Variants in MTHFD1L observed in about 807,000 individuals in gnomAD.
The protein encoded by MTHFD1L is methylenetetrahydrofolate dehydrogenase (NADP+ dependent) 1 like.
A neutral mutation model predicts 119.5 loss-of-function variants in MTHFD1L; 81 were observed. The ratio of observed to expected loss-of-function variants is 0.68; its 90% CI spans 0.57 to 0.82. The LOEUF is 0.82. MTHFD1L is among the 40% of genes least tolerant of loss of function. MTHFD1L has a pLI of 0.00. For missense variants in MTHFD1L, 1,125 were observed against 1,253.4 expected, an observed-to-expected ratio of 0.90 and a Z score of 1.55; for synonymous variants, 430 against 475.2, an observed-to-expected ratio of 0.90 and a Z score of 1.24.
At chr6:151,066,437 C>CAAAAA (rs35065800) in intron 26 of MTHFD1L, among the ~76,000 whole-genome samples, 4 of 50,684 alleles carry the variant, frequency 7.9e-5, no homozygotes, top group Non-Finnish European at 1.4e-4. Context: ...GACTCCATCT[C>CAAAAA]AAAAAAAAAA....
intron 8 of MTHFD1L, among the ~76,000 whole-genome samples, chr6:150,914,416 A>G (rs1173060720): frequency 6.6e-6 from 1 of 152,240 alleles, no homozygotes; most frequent in Non-Finnish European, 1.5e-5. Context: ...CGTAAAAATC[A>G]GAAGGCCAAG....
At chr6:151,091,893 TCCTAC>T (rs1016844959) in intron 26 of MTHFD1L, among the ~76,000 whole-genome samples, 2 of 152,140 alleles carry the variant, frequency 1.3e-5, no homozygotes, top group African/African-American at 4.8e-5. Flanking sequence ...TAATAAAAGT[TCCTAC>T]CTGCTATATT....
In MTHFD1L at chr6:150,957,533, A is replaced by G. The variant is rs536925375; in HGVS notation, c.1803+1462A>G. 3.3e-5 allele frequency among the ~76,000 whole-genome samples: 5 copies of G among 152,322 alleles called. No homozygotes were observed. In the East Asian group the frequency reaches 7.7e-4, roughly 23 times the overall value. On this transcript the variant is annotated intron_variant, in intron 17 of 27. Transcript: ENST00000367321. ...TAATGAAAAGAACAAGAAAATGTGT[A>G]ACGTACAGGAAAAAATTCTGTGTAT...
At chr6:150,880,623 T>G (rs1249451260) in intron 4 of MTHFD1L, among the ~76,000 whole-genome samples, 3 of 152,236 alleles carry the variant, frequency 2.0e-5, no homozygotes, top group Non-Finnish European at 4.4e-5. Flanking sequence ...TACCTAGTGG[T>G]GGGAATGGCT....
intron 13 of MTHFD1L, among the ~76,000 whole-genome samples, chr6:150,942,110 G>A (rs1793225660): frequency 6.6e-6 from 1 of 151,858 alleles, no homozygotes; most frequent in South Asian, 2.1e-4. Context: ...AATACAAAAA[G>A]TAGCTGGGCG....
At chr6:150,975,818 G>C (rs1776474837) in intron 20 of MTHFD1L, among the ~76,000 whole-genome samples, 1 of 152,202 alleles carries the variant, frequency 6.6e-6, no homozygotes, top group South Asian at 2.1e-4. Flanking sequence ...CCCCTGAGCA[G>C]TACCTCATTT....
chr6:150,897,677 A>G (rs765419509), intron 7 of MTHFD1L, among the ~76,000 whole-genome samples: 6 of 152,200 alleles, frequency 3.9e-5, no homozygotes, highest in Non-Finnish European at 7.3e-5. Context: ...ATTCTGGAAG[A>G]AGGGCTGCAG....
chr6:150,939,756 C>T (rs907952536), intron 13 of MTHFD1L, among the ~76,000 whole-genome samples: 1 of 145,784 alleles, frequency 6.9e-6, no homozygotes, highest in African/African-American at 2.6e-5. Flanking sequence ...ACAGTCTCGG[C>T]TCACTGCAAC....
At chr6:150,935,141 A>C in intron 11 of MTHFD1L, 1 of 1,613,504 alleles carries the variant, frequency 6.2e-7, no homozygotes, top group Non-Finnish European at 8.5e-7. Context: ...CACTGAGAAA[A>C]TTAAGGTAAG....
At chr6:150,872,580 C>T (rs548618646) in intron 1 of MTHFD1L, among the ~76,000 whole-genome samples, 3 of 152,122 alleles carry the variant, frequency 2.0e-5, no homozygotes, top group South Asian at 2.1e-4. Flanking sequence ...CATCAAAGAT[C>T]GTCAATCACA....
Position 150,926,445 on chromosome 6 carries a change from A to G in MTHFD1L, c.1256+150A>G, listed in dbSNP as rs1416659725. On this transcript the variant is annotated intron_variant, in intron 11 of 27. Coordinates refer to ENST00000367321, the MANE Select transcript of MTHFD1L (RefSeq NM_015440.5). This position sits in a 1 kb window ranked among gnomAD's most constrained non-coding sequence, Gnocchi z 4.3. The stretch of plus-strand genomic sequence containing the variant: ...TTGGCATTTCTTTATTTGGTGTGAG[A>G]TAAGTTTTTATTTTCAGTGCAGAGC... The G allele has an allele frequency of 3.9e-6, 3 of 775,600 alleles. No homozygotes were observed. Among genetic ancestry groups the G allele is most frequent in the Non-Finnish European group, 5.9e-6 (3 of 511,578 alleles). 48.0% of individuals were successfully genotyped at this position (775,600 alleles called of 1,614,324 possible).
intron 8 of MTHFD1L, among the ~76,000 whole-genome samples, chr6:150,916,346 A>G (rs1461186683): frequency 8.8e-6 from 1 of 113,966 alleles, no homozygotes; most frequent in Non-Finnish European, 1.6e-5. Flanking sequence ...CTTGTTGCCC[A>G]GGCTGGAGTG....
chr6:150,988,052 A>G (rs61087990), intron 20 of MTHFD1L, among the ~76,000 whole-genome samples: 2,034 of 152,312 alleles, frequency 0.013, 37 homozygotes, highest in African/African-American at 0.047. Flanking sequence ...ATTTATATAT[A>G]TTCTAAGTAA....
chr6:151,003,499 T>C (rs1186019837), intron 20 of MTHFD1L, among the ~76,000 whole-genome samples: 1 of 152,044 alleles, frequency 6.6e-6, no homozygotes, highest in East Asian at 2.0e-4. Flanking sequence ...ACCATTGCAT[T>C]CCAGCCTGGG....
chr6:150,980,830 C>G (rs376655725), intron 20 of MTHFD1L, among the ~76,000 whole-genome samples: 57 of 152,062 alleles, frequency 3.7e-4, no homozygotes, highest in African/African-American at 1.3e-3. Flanking sequence ...TGCTTCTCTC[C>G]TGATTTGAGT....
intron 7 of MTHFD1L, among the ~76,000 whole-genome samples, chr6:150,895,707 A>G (rs965006980): frequency 9.2e-5 from 14 of 151,680 alleles, no homozygotes; most frequent in Non-Finnish European, 1.8e-4. Flanking sequence ...AGACTTTTAA[A>G]AGTGAATTGG....
chr6:150,954,162 C>T (rs1478444046), intron 16 of MTHFD1L, among the ~76,000 whole-genome samples: 2 of 152,212 alleles, frequency 1.3e-5, no homozygotes, highest in Non-Finnish European at 2.9e-5. Flanking sequence ...CTTCATCCTA[C>T]GGATGCCTAT....
chr6:151,086,077 A>G (rs1290328371), intron 26 of MTHFD1L, among the ~76,000 whole-genome samples: 1 of 152,182 alleles, frequency 6.6e-6, no homozygotes, highest in Non-Finnish European at 1.5e-5. Context: ...TTGATCAGCC[A>G]CCATGAGAGA....
intron 24 of MTHFD1L, among the ~76,000 whole-genome samples, chr6:151,029,820 T>C (rs1227038729): frequency 6.6e-6 from 1 of 152,186 alleles, no homozygotes; most frequent in Non-Finnish European, 1.5e-5. Flanking sequence ...AAATAACAAC[T>C]CAGCCATCCA....
Sources: allele counts gnomAD v4.1 joint callset (sites outside exome capture counted in the v4.1 genomes callset), GRCh38; gene constraint gnomAD v4.1.1; non-coding constraint Gnocchi (gnomAD v3.1); transcripts MANE v1.5; gene names NCBI Gene and HGNC (gene_info 2026-07-23, HGNC 2026-07-21).